RYR3: variants seen among roughly 807,000 people sequenced by gnomAD.
RYR3 encodes the protein brain ryanodine receptor-calcium release channel.
RYR3 carries 207 observed loss-of-function variants against 584.3 expected under a neutral mutation model. The observed-to-expected ratio is 0.35, with a 90% CI of 0.32 to 0.40. RYR3 has a LOEUF of 0.40. RYR3 is among the 10% of genes least tolerant of loss of function. RYR3 has a pLI of 1.00. For synonymous variants in RYR3, 2,416 were observed against 2,248.5 expected, an observed-to-expected ratio of 1.07 and a Z score of -2.11; for missense variants, 5,616 against 6,089.2, an observed-to-expected ratio of 0.92 and a Z score of 2.59.
chr15:33,580,243 A>C, intron 13 of RYR3, 99 bp downstream of exon 13: 1 of 974,098 alleles, frequency 1.0e-6, no homozygotes, highest in Non-Finnish European at 1.5e-6. Flanking sequence ...GCACGTGTTT[A>C]TGAGAGAGCC....
chr15:33,843,181 G>T (rs1255664510), intron 91 of RYR3, among the ~76,000 whole-genome samples: 2 of 152,106 alleles, frequency 1.3e-5, no homozygotes, highest in Admixed American at 6.5e-5. Flanking sequence ...TTAGCCGGGT[G>T]TGTTGGCGGG....
chr15:33,740,759 G>A (rs1437219035), intron 51 of RYR3, among the ~76,000 whole-genome samples: 7 of 152,230 alleles, frequency 4.6e-5, no homozygotes, highest in Admixed American at 4.6e-4. Flanking sequence ...GAGCCCCTTG[G>A]ACCTGTCCTT....
At position 33,543,648 on chromosome 15, in the gene RYR3, C is replaced by T. The variant is rs548943211; in HGVS notation, c.673C>T (p.Arg225Cys). 1.3e-5 allele frequency: 21 copies of T among 1,611,326 alleles called. No homozygotes were observed. Among genetic ancestry groups the T allele is most frequent in the East Asian group, 2.2e-5 (1 of 44,860 alleles). Residue 225 changes from arginine to cysteine, a missense_variant, in exon 8 of 104, where the codon CGT becomes TGT. Coordinates refer to ENST00000634891, the MANE Select transcript of RYR3 (RefSeq NM_001036.6). ...EGYLLGGHVVRLFHGHDECLT... is the reference protein window; with the variant it reads ...EGYLLGGHVVCLFHGHDECLT... ...ATACCTACTTGGTGGGCATGTAGTA[C>T]GTCTTTTCCATGGTCATGATGAATG...
intron 3 of RYR3, among the ~76,000 whole-genome samples, chr15:33,511,924 G>A (rs946661419): frequency 1.1e-4 from 16 of 152,136 alleles, no homozygotes; most frequent in Admixed American, 9.8e-4. Context: ...GACTACAGGC[G>A]CCCGCCACCA....
At chr15:33,437,530 C>G (rs79818970) in intron 1 of RYR3, among the ~76,000 whole-genome samples, 3 of 152,152 alleles carry the variant, frequency 2.0e-5, no homozygotes, top group Non-Finnish European at 4.4e-5. Context: ...ATATACTACT[C>G]TTACCTGAAA....
chr15:33,820,107 G>A (rs1201326627), intron 77 of RYR3, among the ~76,000 whole-genome samples: 1 of 152,210 alleles, frequency 6.6e-6, no homozygotes, highest in Non-Finnish European at 1.5e-5. Flanking sequence ...TTCACTCAAT[G>A]TTCAGGATAC....
intron 92 of RYR3, among the ~76,000 whole-genome samples, chr15:33,843,875 T>C (rs972064453): frequency 2.6e-5 from 4 of 152,206 alleles, no homozygotes; most frequent in African/African-American, 9.6e-5. Flanking sequence ...CAACAAGGTA[T>C]TTCAAAATGA....
chr15:33,372,574 C>A (rs1230648466), intron 1 of RYR3, among the ~76,000 whole-genome samples: 1 of 151,944 alleles, frequency 6.6e-6, no homozygotes, highest in African/African-American at 2.4e-5. Flanking sequence ...ACCGTGTTAG[C>A]CAGGATGGTC....
chr15:33,580,819 G>A (rs1595695903), intron 13 of RYR3, among the ~76,000 whole-genome samples: 1 of 152,210 alleles, frequency 6.6e-6, no homozygotes, highest in Admixed American at 6.5e-5. Flanking sequence ...GGTGTGGGAT[G>A]TAAACCATCC....
intron 1 of RYR3, among the ~76,000 whole-genome samples, chr15:33,447,086 CT>C (rs2046730603): frequency 6.6e-6 from 1 of 152,198 alleles, no homozygotes; most frequent in Admixed American, 6.5e-5. Flanking sequence ...CCGTTTTCAA[CT>C]TTGCATTCTA....
At chr15:33,566,314 T>G (rs376714031) in intron 11 of RYR3, among the ~76,000 whole-genome samples, 68 of 152,234 alleles carry the variant, frequency 4.5e-4, no homozygotes, top group African/African-American at 1.6e-3. Flanking sequence ...GAAAAGGCTT[T>G]GAACACAGTG....
At chr15:33,836,770 A>G (rs2078079740) in intron 87 of RYR3, 136 bp from the exon 88 acceptor site, 1 of 607,706 alleles carries the variant, frequency 1.6e-6, no homozygotes, top group East Asian at 2.8e-5. Flanking sequence ...ATCCTCATTC[A>G]GAATGAGAAG....
chr15:33,688,855 T>C (rs995381627), intron 38 of RYR3, among the ~76,000 whole-genome samples: 3 of 152,194 alleles, frequency 2.0e-5, no homozygotes, highest in East Asian at 1.9e-4. Context: ...TACCATTTGA[T>C]CCGGCAATCC....
In RYR3 at chr15:33,660,306, G is replaced by A. The variant is rs545597409; in HGVS notation, c.4505G>A (p.Arg1502His). The change falls in exon 34 of 104, where the codon CGC becomes CAC. Residue 1502 changes from arginine (R) to histidine (H), a missense_variant. Transcript: ENST00000634891. ...VQTIQPVLWSRMPNSFLKVET... is the reference protein window; with the variant it reads ...VQTIQPVLWSHMPNSFLKVET... ...ACCATCCAGCCCGTGCTCTGGAGCC[G>A]CATGCCCAACAGCTTCCTGAAGGTG... 20 of 1,578,292 alleles carry A rather than the reference G, an allele frequency of 1.3e-5. No homozygotes were observed. Among genetic ancestry groups the A allele is most frequent in the African/African-American group, 8.1e-5 (6 of 74,132 alleles).
At chr15:33,387,555 G>C (rs1450386408) in intron 1 of RYR3, among the ~76,000 whole-genome samples, 1 of 151,680 alleles carries the variant, frequency 6.6e-6, no homozygotes, top group Non-Finnish European at 1.5e-5. Flanking sequence ...TCAGTTTTTT[G>C]TTGCTTGATC....
At chr15:33,481,799 T>C (rs1400866092) in intron 2 of RYR3, among the ~76,000 whole-genome samples, 1 of 151,764 alleles carries the variant, frequency 6.6e-6, no homozygotes, top group East Asian at 1.9e-4. Flanking sequence ...CTTTTTTTTT[T>C]TTTTTTTTTT....
chr15:33,721,301 G>A (rs989935792), intron 43 of RYR3, among the ~76,000 whole-genome samples: 1 of 152,136 alleles, frequency 6.6e-6, no homozygotes, highest in Admixed American at 6.5e-5. Context: ...TGATGCTCCG[G>A]TCCCAGACAG....
chr15:33,748,530 G>A lies in RYR3; in HGVS notation c.8199G>A (p.Gln2733=), dbSNP rs1261727139. The A allele has an allele frequency of 6.2e-7, 1 of 1,611,722 alleles. No individual in the cohort carries two copies. Among genetic ancestry groups the A allele is most frequent in the Admixed American group, 1.7e-5 (1 of 59,878 alleles). ...LSNVVLSREL[Q]GMVEVVAENY... is the part of the protein sequence containing the mutation. ...ACGTTGTGCTCTCCAGAGAGCTCCA[G>A]GTCAGTGCCCCAGGTCCAGCATGAC... Residue 2733 remains glutamine, a splice_region_variant and synonymous_variant, in exon 55 of 104, where the codon CAG becomes CAA. Transcript: ENST00000634891.
chr15:33,611,817 C>A (rs998351655), intron 18 of RYR3, among the ~76,000 whole-genome samples: 2 of 151,992 alleles, frequency 1.3e-5, no homozygotes, highest in African/African-American at 2.4e-5. Context: ...CGTCATCACG[C>A]CCAGCTAATT....
Sources: gnomAD v4.1 joint callset for allele counts (sites outside exome capture counted in the v4.1 genomes callset) on GRCh38, gnomAD v4.1.1 for gene constraint, MANE v1.5 for transcripts, NCBI Gene and HGNC (gene_info 2026-07-23, HGNC 2026-07-21) for gene names.